MFHAS1: variants seen among roughly 807,000 people sequenced by gnomAD.
The protein encoded by MFHAS1 is multifunctional ROCO family signaling regulator 1, also known as malignant fibrous histiocytoma-amplified sequence 1.
MFHAS1 carries 50 observed loss-of-function variants against 70.4 expected under a neutral mutation model. The ratio of observed to expected loss-of-function variants is 0.71; its 90% CI spans 0.57 to 0.90. MFHAS1 has a LOEUF of 0.90. MFHAS1 is among the 40% of genes least tolerant of loss of function. The pLI is 0.00. For missense variants in MFHAS1, 1,795 were observed against 1,347.6 expected, an observed-to-expected ratio of 1.33 and a Z score of -5.20; for synonymous variants, 952 against 620.0, an observed-to-expected ratio of 1.54 and a Z score of -7.96.
chr8:8,886,223 T>C (rs915133598), intron 1 of MFHAS1, among the ~76,000 whole-genome samples: 2 of 152,034 alleles, frequency 1.3e-5, no homozygotes, highest in Non-Finnish European at 2.9e-5. Flanking sequence ...CAGAGTGCAA[T>C]GGCACAATCA....
chr8:8,881,605 G>A (rs539173077), intron 1 of MFHAS1, among the ~76,000 whole-genome samples: 7 of 152,114 alleles, frequency 4.6e-5, no homozygotes, highest in African/African-American at 7.2e-5. Flanking sequence ...AGGCTGAGGC[G>A]GGCGGATCAC....
At chr8:8,860,335 T>C (rs1468528377) in intron 1 of MFHAS1, among the ~76,000 whole-genome samples, 4 of 152,192 alleles carry the variant, frequency 2.6e-5, no homozygotes, top group African/African-American at 7.2e-5. Context: ...CCATTCCATG[T>C]AAAAATAACA....
At chr8:8,800,214 A>C (rs73517987) in intron 1 of MFHAS1, among the ~76,000 whole-genome samples, 5,035 of 152,328 alleles carry the variant, frequency 0.033, 287 homozygotes, top group African/African-American at 0.11. Flanking sequence ...AAGTGAATGT[A>C]ATTTGAGTTC....
intron 1 of MFHAS1, among the ~76,000 whole-genome samples, chr8:8,849,064 C>CTTTTTTTTTTTTTTTT (rs145250762): frequency 1.3e-4 from 10 of 75,772 alleles, no homozygotes; most frequent in African/African-American, 3.8e-4. Context: ...TCCTTTTTAC[C>CTTTTTTTTTTTTTTTT]TTTTTTTTTT....
At chr8:8,882,982 G>C (rs764214594) in intron 1 of MFHAS1, among the ~76,000 whole-genome samples, 9 of 151,954 alleles carry the variant, frequency 5.9e-5, no homozygotes, top group Non-Finnish European at 1.3e-4. Flanking sequence ...GTGAAACCCT[G>C]TGTCTACTAA....
chr8:8,864,346 T>A (rs1197370921), intron 1 of MFHAS1, among the ~76,000 whole-genome samples: 1 of 152,238 alleles, frequency 6.6e-6, no homozygotes, highest in Non-Finnish European at 1.5e-5. Context: ...AGGATGCCAT[T>A]CACACCAAGC....
intron 1 of MFHAS1, among the ~76,000 whole-genome samples, chr8:8,854,959 G>C (rs968792918): frequency 2.0e-5 from 3 of 151,928 alleles, no homozygotes; most frequent in African/African-American, 7.3e-5. Flanking sequence ...CCCCACGCTG[G>C]AGTGCAGTGA....
At chr8:8,843,781 C>T (rs943680516) in intron 1 of MFHAS1, among the ~76,000 whole-genome samples, 5 of 152,156 alleles carry the variant, frequency 3.3e-5, no homozygotes, top group Non-Finnish European at 7.3e-5. Flanking sequence ...TCATCCCTAT[C>T]TTACAGGCTG....
chr8:8,860,514 C>T (rs1170474965), intron 1 of MFHAS1, among the ~76,000 whole-genome samples: 1 of 152,208 alleles, frequency 6.6e-6, no homozygotes, highest in East Asian at 1.9e-4. Context: ...AACCTACATA[C>T]ACTTGTACCG....
rs1298015871 is a variant in MFHAS1, at chr8:8,846,357, GAGGAGGAGA to G, written c.2998+43695_2998+43703del. On this transcript the variant is annotated intron_variant, in intron 1 of 2. Transcript: ENST00000276282. ...GGAGGGGGAGGAGGGGGAGGAGGGG[GAGGAGGAGA>G]AGGAGAAGGAGAAGAAAATGACCAC... is the stretch of plus-strand genomic sequence containing the variant. Among the ~76,000 whole-genome samples, 116 of 120,008 alleles carry G rather than the reference GAGGAGGAGA, an allele frequency of 9.7e-4. 2 individuals are homozygous for G. Among genetic ancestry groups the G allele is most frequent in the South Asian group, 6.8e-3 (17 of 2,492 alleles). The allele number at this position is 120,008 out of a possible 152,430, so 78.7% of individuals were successfully genotyped here. A position where few individuals can be genotyped will look rare whatever the true frequency, so the allele number is the denominator to read the frequency against.
At chr8:8,794,112 C>A (rs1309867656) in intron 2 of MFHAS1, among the ~76,000 whole-genome samples, 1 of 152,056 alleles carries the variant, frequency 6.6e-6, no homozygotes, top group African/African-American at 2.4e-5. Flanking sequence ...ATCACTTGAA[C>A]CCTGGAGGTG....
intron 1 of MFHAS1, among the ~76,000 whole-genome samples, chr8:8,879,257 AGGAGAATCACTTGAACCCG>A (rs910939886): frequency 6.6e-6 from 1 of 152,136 alleles, no homozygotes; most frequent in Non-Finnish European, 1.5e-5. Flanking sequence ...GAGATGAGGC[AGGAGAATCACTTGAACCCG>A]GGAGGCGGAA....
intron 1 of MFHAS1, among the ~76,000 whole-genome samples, chr8:8,878,754 A>G (rs1399745153): frequency 6.6e-6 from 1 of 152,108 alleles, no homozygotes; most frequent in East Asian, 1.9e-4. Flanking sequence ...CCTAAAATTC[A>G]CTACTGCTAT....
intron 1 of MFHAS1, among the ~76,000 whole-genome samples, chr8:8,834,858 C>T (rs926386025): frequency 2.0e-5 from 3 of 152,236 alleles, no homozygotes; most frequent in Admixed American, 1.3e-4. Flanking sequence ...AACTCACAGA[C>T]ATGCCACTGG....
At chr8:8,792,826 T>C (rs1344021364) in intron 2 of MFHAS1, among the ~76,000 whole-genome samples, 6 of 152,164 alleles carry the variant, frequency 3.9e-5, no homozygotes, top group African/African-American at 1.4e-4. Flanking sequence ...TATACATCAA[T>C]AAAGCTTTTA....
At chr8:8,797,313 G>GTCAT in intron 2 of MFHAS1, 52 bp downstream of exon 2, 3 of 1,605,544 alleles carry the variant, frequency 1.9e-6, no homozygotes, top group Non-Finnish European at 2.6e-6. Context: ...CATATCTATG[G>GTCAT]AGCTGGGATC....
Position 8,892,645 on chromosome 8 carries a change from C to G in MFHAS1, c.414G>C (p.Arg138=). ...AEVVSALREL[R]KLNLSHNQLP... ...GCTGGTTGTGGCTGAGGTTGAGCTT[C>G]CGCAGCTCCCTCAGAGCACTCACCA... Residue 138 remains arginine (R), a synonymous_variant, in exon 1 of 3, where the codon CGG becomes CGC. Coordinates refer to ENST00000276282, the MANE Select transcript of MFHAS1 (RefSeq NM_004225.3). This position sits in a 1 kb window ranked among gnomAD's most constrained non-coding sequence, Gnocchi z 4.7. The G allele has an allele frequency of 6.3e-7, 1 of 1,597,940 alleles. No homozygotes were observed. The highest frequency in any genetic ancestry group is 1.1e-5 in the South Asian group (1 of 88,788).
chr8:8,808,464 G>C (rs1215603994), intron 1 of MFHAS1, among the ~76,000 whole-genome samples: 1 of 152,196 alleles, frequency 6.6e-6, no homozygotes, highest in African/African-American at 2.4e-5. Flanking sequence ...GCCCGAAAGT[G>C]TAAGAGTAGT....
intron 1 of MFHAS1, among the ~76,000 whole-genome samples, chr8:8,883,600 C>G (rs927635900): frequency 1.3e-5 from 2 of 148,276 alleles, no homozygotes; most frequent in African/African-American, 5.0e-5. Context: ...CCCAGCTACT[C>G]GGGAGGCTGA....
Sources: allele counts gnomAD v4.1 joint callset (sites outside exome capture counted in the v4.1 genomes callset), GRCh38; gene constraint gnomAD v4.1.1; non-coding constraint Gnocchi (gnomAD v3.1); transcripts MANE v1.5; gene names NCBI Gene and HGNC (gene_info 2026-07-23, HGNC 2026-07-21).